Variants in ZCCHC7 observed in about 807,000 individuals in gnomAD.
ZCCHC7 encodes zinc finger CCHC domain-containing protein 7.
Under a neutral mutation model 52.0 loss-of-function variants are expected in ZCCHC7, and 35 were observed. The observed-to-expected ratio is 0.67, with a 90% CI of 0.51 to 0.89. The LOEUF (loss-of-function observed/expected upper bound fraction) is 0.89. Among genes scored for constraint, ZCCHC7 ranks in the 40% least tolerant of loss-of-function variants. The pLI, the probability that ZCCHC7 is intolerant of heterozygous loss-of-function variation, is 0.00. For synonymous variants in ZCCHC7, 217 were observed against 221.5 expected, an observed-to-expected ratio of 0.98 and a Z score of 0.18; for missense variants, 574 against 649.1, an observed-to-expected ratio of 0.88 and a Z score of 1.26.
chr9:37,293,087 A>G (rs1828614596), intron 2 of ZCCHC7, among the ~76,000 whole-genome samples: 1 of 152,210 alleles, frequency 6.6e-6, no homozygotes, highest in Non-Finnish European at 1.5e-5. Context: ...TGCCCATTTC[A>G]AGTGGAGTTG....
intron 2 of ZCCHC7, among the ~76,000 whole-genome samples, chr9:37,135,165 A>G (rs1202611384): frequency 6.6e-6 from 1 of 152,216 alleles, no homozygotes; most frequent in African/African-American, 2.4e-5. Flanking sequence ...ACTATGAACT[A>G]TTTTTGTATC....
chr9:37,203,514 T>C (rs1195316152), intron 2 of ZCCHC7, among the ~76,000 whole-genome samples: 1 of 152,174 alleles, frequency 6.6e-6, no homozygotes, highest in Non-Finnish European at 1.5e-5. Context: ...GTTTATGTGT[T>C]CTCGTTATTC....
chr9:37,220,987 C>T (rs1824779964), intron 2 of ZCCHC7, among the ~76,000 whole-genome samples: 2 of 152,148 alleles, frequency 1.3e-5, no homozygotes, highest in Non-Finnish European at 2.9e-5. Context: ...AGAGTTGTCT[C>T]TTCAAGCAGA....
At chr9:37,196,593 T>C (rs931533492) in intron 2 of ZCCHC7, among the ~76,000 whole-genome samples, 1 of 152,232 alleles carries the variant, frequency 6.6e-6, no homozygotes, top group African/African-American at 2.4e-5. Flanking sequence ...TTTTCTTTGC[T>C]ATCTAGCTTT....
intron 4 of ZCCHC7, 42 bp from the exon 5 acceptor site, chr9:37,305,502 C>CT: frequency 6.2e-7 from 1 of 1,606,360 alleles, no homozygotes; most frequent in Non-Finnish European, 8.5e-7. Context: ...AATCTTCTAC[C>CT]TTTTGAGACT....
intron 2 of ZCCHC7, among the ~76,000 whole-genome samples, chr9:37,186,533 CAT>C (rs1822664243): frequency 6.6e-6 from 1 of 152,112 alleles, no homozygotes; most frequent in Non-Finnish European, 1.5e-5. Context: ...GGATTTATGA[CAT>C]TATACTGTTT....
intron 2 of ZCCHC7, among the ~76,000 whole-genome samples, chr9:37,172,265 T>C (rs973063582): frequency 3.9e-5 from 6 of 152,270 alleles, no homozygotes; most frequent in African/African-American, 1.4e-4. Context: ...ATTGTAAATT[T>C]GTTGCTTTTG....
At chr9:37,176,074 G>GT (rs1462344630) in intron 2 of ZCCHC7, among the ~76,000 whole-genome samples, 2 of 144,322 alleles carry the variant, frequency 1.4e-5, no homozygotes, top group African/African-American at 2.5e-5. Flanking sequence ...TTGTTTGTTT[G>GT]TTTGTTTTGT....
intron 2 of ZCCHC7, among the ~76,000 whole-genome samples, chr9:37,230,254 C>T (rs1825333621): frequency 6.6e-6 from 1 of 152,096 alleles, no homozygotes; most frequent in African/African-American, 2.4e-5. Flanking sequence ...ATGTACTGTG[C>T]ATAATTGTAT....
chr9:37,261,478 A>G (rs1228130740), intron 2 of ZCCHC7, among the ~76,000 whole-genome samples: 1 of 152,178 alleles, frequency 6.6e-6, no homozygotes, highest in Admixed American at 6.5e-5. Context: ...GGCCAAAGAT[A>G]TTTACATTAT....
Position 37,289,027 on chromosome 9 carries a change from G to A in ZCCHC7, c.611-13161G>A, listed in dbSNP as rs1435580733. Among the ~76,000 whole-genome samples, 12 of 152,154 alleles carry A rather than the reference G, an allele frequency of 7.9e-5. No individual in the cohort carries two copies. The South Asian group carries it at 2.3e-3, about 29-fold the overall frequency. On this transcript the variant is annotated intron_variant, in intron 2 of 8. Coordinates refer to ENST00000336755, the MANE Select transcript of ZCCHC7 (RefSeq NM_032226.3). ...TTTAATACTATTGCTAATCCAGCCT[G>A]TCCAAACTAAATTCATCTTTCCCTC...
intron 2 of ZCCHC7, among the ~76,000 whole-genome samples, chr9:37,198,546 A>G (rs772398857): frequency 6.6e-6 from 1 of 152,266 alleles, no homozygotes; most frequent in Non-Finnish European, 1.5e-5. Context: ...TGTCTATTTT[A>G]GTCTTCCTCA....
chr9:37,304,255 T>G lies in ZCCHC7; in HGVS notation c.722T>G (p.Ile241Ser), dbSNP rs1303614413. 6.2e-7 allele frequency: 1 copy of G among 1,613,798 alleles called. No individual in the cohort carries two copies. The highest frequency in any genetic ancestry group is 8.5e-7 in the Non-Finnish European group (1 of 1,179,916). The change falls in exon 4 of 9, where the codon ATT becomes AGT. Residue 241 changes from isoleucine to serine, a missense_variant. Transcript: ENST00000336755. ...TQRYYSANKNIICRNCDKRGH... is the reference protein window; with the variant it reads ...TQRYYSANKNSICRNCDKRGH... ...CGGTACTATTCAGCCAACAAAAACA[T>G]TATCTGTAGAAATTGTGACAAACGT...
At chr9:37,125,850 G>A (rs796877149) in intron 1 of ZCCHC7, among the ~76,000 whole-genome samples, 1 of 152,142 alleles carries the variant, frequency 6.6e-6, no homozygotes, top group East Asian at 1.9e-4. Context: ...ATACGTTTTT[G>A]CTATATCTTT....
At chr9:37,198,649 T>A (rs556893395) in intron 2 of ZCCHC7, among the ~76,000 whole-genome samples, 1 of 152,254 alleles carries the variant, frequency 6.6e-6, no homozygotes, top group Non-Finnish European at 1.5e-5. Flanking sequence ...GGCATACTTA[T>A]GTTGTCTTTG....
At chr9:37,151,793 A>G (rs1474452872) in intron 2 of ZCCHC7, among the ~76,000 whole-genome samples, 1 of 152,138 alleles carries the variant, frequency 6.6e-6, no homozygotes, top group Non-Finnish European at 1.5e-5. Flanking sequence ...CAACAGGGTG[A>G]GACTCCATCT....
intron 2 of ZCCHC7, among the ~76,000 whole-genome samples, chr9:37,172,598 T>G (rs1821789489): frequency 6.6e-6 from 1 of 152,234 alleles, no homozygotes; most frequent in Non-Finnish European, 1.5e-5. Context: ...TGAGCAACAG[T>G]TTTTGTGTGA....
At chr9:37,227,083 T>A (rs1825150799) in intron 2 of ZCCHC7, among the ~76,000 whole-genome samples, 2 of 150,208 alleles carry the variant, frequency 1.3e-5, no homozygotes, top group Admixed American at 1.3e-4. Flanking sequence ...TATATTTTAA[T>A]ATTTGATACA....
At chr9:37,346,002 GT>G (rs2118553602) in intron 6 of ZCCHC7, among the ~76,000 whole-genome samples, 1 of 151,970 alleles carries the variant, frequency 6.6e-6, no homozygotes, top group African/African-American at 2.4e-5. Context: ...TTGGGTTTGC[GT>G]TTGGGTTTTG....
Sources: gnomAD v4.1 joint callset for allele counts (sites outside exome capture counted in the v4.1 genomes callset) on GRCh38, gnomAD v4.1.1 for gene constraint, MANE v1.5 for transcripts, NCBI Gene and HGNC (gene_info 2026-07-23, HGNC 2026-07-21) for gene names.